The following SLIT3 variants were observed in gnomAD, a reference collection of about 807,000 sequenced individuals.
SLIT3 encodes the protein slit homolog 3 protein.
A neutral mutation model predicts 184.0 loss-of-function variants in SLIT3; 68 were observed. That is an observed-to-expected ratio of 0.37 (90% CI 0.30 to 0.45). SLIT3 has a LOEUF of 0.45. Ranked by LOEUF, SLIT3 falls within the 20% of genes least tolerant of loss-of-function variation. SLIT3 has a pLI of 1.00. For synonymous variants in SLIT3, 831 were observed against 828.6 expected (o/e 1.00, Z -0.05); for missense variants, 1,707 against 2,026.0 (o/e 0.84, Z 3.02).
chr5:169,233,180 C>T (rs887549295), intron 3 of SLIT3, among the ~76,000 whole-genome samples: 11 of 152,110 alleles, frequency 7.2e-5, no homozygotes, highest in African/African-American at 2.7e-4. Flanking sequence ...TGCGCACCAC[C>T]ACGCCCAGCT....
chr5:169,098,512 C>T (rs1297688508), intron 4 of SLIT3, among the ~76,000 whole-genome samples: 1 of 152,210 alleles, frequency 6.6e-6, no homozygotes, highest in Non-Finnish European at 1.5e-5. Flanking sequence ...TCAGTGGGAT[C>T]TCCACCTATT....
chr5:168,928,411 T>G (rs1168084587), intron 4 of SLIT3, among the ~76,000 whole-genome samples: 1 of 152,174 alleles, frequency 6.6e-6, no homozygotes, highest in Non-Finnish European at 1.5e-5. Context: ...AACAGTTGTT[T>G]AAACAAGAAC....
At chr5:168,807,095 C>T (rs546401101) in intron 8 of SLIT3, among the ~76,000 whole-genome samples, 21 of 152,272 alleles carry the variant, frequency 1.4e-4, no homozygotes, top group African/African-American at 4.6e-4. Context: ...CAGCTACACC[C>T]AAGGCATTTC....
At chr5:169,228,782 T>G (rs562064447) in intron 3 of SLIT3, among the ~76,000 whole-genome samples, 1 of 152,342 alleles carries the variant, frequency 6.6e-6, no homozygotes, top group South Asian at 2.1e-4. Flanking sequence ...AATTCTCATT[T>G]ATATTATGTG....
chr5:168,953,529 C>A (rs1355054320), intron 4 of SLIT3, among the ~76,000 whole-genome samples: 2 of 152,216 alleles, frequency 1.3e-5, no homozygotes, highest in African/African-American at 4.8e-5. Flanking sequence ...GAACACACAG[C>A]TGGTTCTCCT....
chr5:169,123,205 T>C (rs961368081), intron 4 of SLIT3, among the ~76,000 whole-genome samples: 5 of 152,072 alleles, frequency 3.3e-5, no homozygotes, highest in Non-Finnish European at 4.4e-5. Context: ...TTGTAAAGAA[T>C]CTCTATCAGA....
intron 18 of SLIT3, among the ~76,000 whole-genome samples, chr5:168,751,647 G>A (rs567952418): frequency 3.3e-5 from 5 of 152,194 alleles, no homozygotes; most frequent in East Asian, 1.9e-4. Context: ...CGCACTACCC[G>A]GGCAGGAGCA....
intron 18 of SLIT3, 179 bp downstream of exon 18, chr5:168,752,776 G>C (rs77225018): frequency 4.8e-5 from 29 of 603,904 alleles, no homozygotes; most frequent in Middle Eastern, 8.9e-4. Context: ...AGGAGGGGCC[G>C]GGTGTGTGCA....
chr5:169,276,020 G>A (rs977971725), intron 1 of SLIT3, among the ~76,000 whole-genome samples: 2 of 152,094 alleles, frequency 1.3e-5, no homozygotes, highest in Non-Finnish European at 2.9e-5. Flanking sequence ...TGGGCTGTGG[G>A]GTAGGATGGG....
chr5:169,236,481 T>TTG (rs200628384), intron 3 of SLIT3, among the ~76,000 whole-genome samples: 34 of 84,144 alleles, frequency 4.0e-4, no homozygotes, highest in African/African-American at 7.8e-4. Flanking sequence ...TTGTTTTGTT[T>TTG]TTTTTTTTTT....
intron 4 of SLIT3, among the ~76,000 whole-genome samples, chr5:169,149,502 G>C (rs1337857732): frequency 6.6e-6 from 1 of 152,080 alleles, no homozygotes; most frequent in African/African-American, 2.4e-5. Context: ...AGACTCCAGA[G>C]ACCCCTGGTA....
intron 4 of SLIT3, among the ~76,000 whole-genome samples, chr5:168,989,734 A>G (rs555484365): frequency 2.0e-5 from 3 of 152,298 alleles, no homozygotes; most frequent in Admixed American, 6.5e-5. Context: ...AAGATCAGAG[A>G]GAATGAACAA....
chr5:168,717,864 A>G (rs548085467), intron 23 of SLIT3, among the ~76,000 whole-genome samples: 1 of 152,022 alleles, frequency 6.6e-6, no homozygotes, highest in South Asian at 2.1e-4. Flanking sequence ...GTTTCACCAT[A>G]TTAGCCAGGA....
chr5:169,050,190 C>T (rs1757766900), intron 4 of SLIT3, among the ~76,000 whole-genome samples: 2 of 152,204 alleles, frequency 1.3e-5, no homozygotes. Context: ...GTTCTTCCTA[C>T]TTACTGCCCA....
At chr5:169,173,132 A>T (rs1172016305) in intron 4 of SLIT3, among the ~76,000 whole-genome samples, 2 of 152,162 alleles carry the variant, frequency 1.3e-5, no homozygotes, top group African/African-American at 4.8e-5. Flanking sequence ...GTGGTGGCAC[A>T]TGCCTATAAT....
intron 9 of SLIT3, among the ~76,000 whole-genome samples, chr5:168,796,276 G>A (rs1756560972): frequency 6.6e-6 from 1 of 152,150 alleles, no homozygotes; most frequent in Admixed American, 6.5e-5. Flanking sequence ...AAAGCAACAA[G>A]AGACGCTGCA....
At chr5:169,168,872 T>A (rs1054089226) in intron 4 of SLIT3, among the ~76,000 whole-genome samples, 12 of 55,196 alleles carry the variant, frequency 2.2e-4, no homozygotes, top group Non-Finnish European at 7.3e-5. Context: ...GTTCCTTGAT[T>A]GCTGGCATTG....
chr5:168,783,378 T>C (rs1756039810), intron 12 of SLIT3, among the ~76,000 whole-genome samples: 1 of 149,958 alleles, frequency 6.7e-6, no homozygotes, highest in Non-Finnish European at 1.5e-5. Flanking sequence ...GTGTACATAC[T>C]GGACTGGGCA....
chr5:168,986,232 T>C lies in SLIT3; in HGVS notation c.414-102896A>G, dbSNP rs113185866. Among the ~76,000 whole-genome samples the C allele has an allele frequency of 6.2e-3, 947 of 152,280 alleles. 13 individuals carry two copies. Among genetic ancestry groups the C allele is most frequent in the African/African-American group, 0.022 (908 of 41,556 alleles). ...TGCTAAGTAGGCAAATTTCATGACGTAGGGCAAAAATCACGATCCCTATAT... is the reference window on the plus strand; with the variant it reads ...TGCTAAGTAGGCAAATTTCATGACGCAGGGCAAAAATCACGATCCCTATAT... On this transcript the variant is annotated intron_variant, in intron 4 of 35. Transcript: ENST00000519560.
Sources: gnomAD v4.1 joint callset for allele counts (sites outside exome capture counted in the v4.1 genomes callset) on GRCh38, gnomAD v4.1.1 for gene constraint, MANE v1.5 for transcripts, NCBI Gene and HGNC (gene_info 2026-07-23, HGNC 2026-07-21) for gene names.